Variants in LIN52 observed in about 807,000 individuals in gnomAD.
LIN52 encodes protein lin-52 homolog.
Under a neutral mutation model 18.5 loss-of-function variants are expected in LIN52, and 4 were observed. The ratio of observed to expected loss-of-function variants is 0.22; its 90% CI spans 0.11 to 0.49. The LOEUF (loss-of-function observed/expected upper bound fraction) is 0.49, where lower values mean the gene tolerates loss of function less well. Ranked by LOEUF, LIN52 falls within the 20% of genes least tolerant of loss-of-function variation. LIN52 has a pLI of 0.97. For synonymous variants in LIN52, 34 were observed against 45.5 expected, an observed-to-expected ratio of 0.75 and a Z score of 1.02; for missense variants, 102 against 139.5, an observed-to-expected ratio of 0.73 and a Z score of 1.35.
chr14:74,102,917 C>T (rs2060868314), intron 5 of LIN52, among the ~76,000 whole-genome samples: 1 of 151,824 alleles, frequency 6.6e-6, no homozygotes, highest in South Asian at 2.1e-4. Context: ...GGAATAATGA[C>T]CCATGGCCCA....
intron 5 of LIN52, among the ~76,000 whole-genome samples, chr14:74,131,264 G>A (rs4903190): frequency 0.22 from 34,061 of 151,494 alleles, 4,159 homozygotes; most frequent in South Asian, 0.46. Flanking sequence ...AAGTGCTATG[G>A]TGTTTCTAAG....
chr14:74,187,422 G>A lies in LIN52; in HGVS notation c.284-11500G>A, dbSNP rs901870100. On this transcript the variant is annotated intron_variant, in intron 5 of 5. Transcript: ENST00000555028. ...TTTTTTCTTTTAAAGTACTGCTCTT[G>A]TTTATCACTGGATTATTACACATTC... 8.6e-5 allele frequency among the ~76,000 whole-genome samples: 13 copies of A among 152,004 alleles called. No homozygotes were observed. In the East Asian group the frequency reaches 2.5e-3, roughly 29 times the overall value.
chr14:74,098,569 C>T (rs1168308172), intron 4 of LIN52, among the ~76,000 whole-genome samples: 3 of 136,806 alleles, frequency 2.2e-5, no homozygotes, highest in East Asian at 2.2e-4. Flanking sequence ...TTTTTTCAGA[C>T]GGAGTCTCGC....
intron 5 of LIN52, among the ~76,000 whole-genome samples, chr14:74,180,432 AT>A (rs371093005): frequency 0.018 from 2,578 of 146,744 alleles, 63 homozygotes; most frequent in East Asian, 0.055. Flanking sequence ...TGCCCAGCTA[AT>A]TTTTTTTTTT....
At chr14:74,169,431 C>A (rs191482710) in intron 5 of LIN52, among the ~76,000 whole-genome samples, 2 of 152,232 alleles carry the variant, frequency 1.3e-5, no homozygotes, top group African/African-American at 4.8e-5. Flanking sequence ...GAACCTTCAG[C>A]CTTATTTCCA....
intron 5 of LIN52, among the ~76,000 whole-genome samples, chr14:74,101,822 TAGAC>T (rs1418391616): frequency 4.6e-5 from 7 of 152,278 alleles, no homozygotes; most frequent in South Asian, 2.1e-4. Flanking sequence ...CATTTTTAAA[TAGAC>T]AGAGTCTTAC....
chr14:74,101,527 C>G (rs2060855828), intron 5 of LIN52, among the ~76,000 whole-genome samples: 1 of 149,150 alleles, frequency 6.7e-6, no homozygotes, highest in Admixed American at 6.7e-5. Context: ...GGCGGGATCT[C>G]GGCTCACTGC....
At chr14:74,166,981 C>T (rs1273985505) in intron 5 of LIN52, among the ~76,000 whole-genome samples, 1 of 151,994 alleles carries the variant, frequency 6.6e-6, no homozygotes, top group Non-Finnish European at 1.5e-5. Context: ...GGTGGCCTGT[C>T]AGGAGAGCAG....
At chr14:74,127,292 G>C (rs2061034591) in intron 5 of LIN52, among the ~76,000 whole-genome samples, 1 of 152,200 alleles carries the variant, frequency 6.6e-6, no homozygotes, top group Admixed American at 6.6e-5. Context: ...GCAGGGATGG[G>C]TCTCCTGAGA....
rs369694210 is a variant in LIN52 at position 74,101,197 on chromosome 14, G to A, written c.242G>A (p.Arg81Gln). ...LTTANLMEKV[R>Q]GLQNLAYQLG... ...ACGGCTAATTTGATGGAGAAGGTTC[G>A]AGGCCTACAGAACCTAGCCTATCAG... is the stretch of plus-strand genomic sequence containing the variant. Residue 81 changes from arginine (R) to glutamine (Q), a missense_variant, in exon 5 of 6, where the codon CGA (arginine) becomes CAA (glutamine). Transcript: ENST00000555028. The A allele has an allele frequency of 5.0e-6, 8 of 1,611,154 alleles. No homozygotes were observed. Among genetic ancestry groups the A allele is most frequent in the Non-Finnish European group, 5.9e-6 (7 of 1,179,108 alleles).
chr14:74,191,081 T>C (rs556065852), intron 5 of LIN52, among the ~76,000 whole-genome samples: 2 of 152,268 alleles, frequency 1.3e-5, no homozygotes, highest in African/African-American at 4.8e-5. Context: ...TGGTGAAGAG[T>C]CAGTCTGGCA....
intron 2 of LIN52, among the ~76,000 whole-genome samples, chr14:74,093,054 C>T (rs954841522): frequency 4.6e-5 from 7 of 151,918 alleles, no homozygotes; most frequent in Admixed American, 2.0e-4. Flanking sequence ...CTGGTTCAAG[C>T]GATGCTCCTG....
chr14:74,142,465 A>T (rs910615775), intron 5 of LIN52, among the ~76,000 whole-genome samples: 2 of 152,180 alleles, frequency 1.3e-5, no homozygotes, highest in Admixed American at 1.3e-4. Context: ...GTAGGTATAC[A>T]GAGATTTCTG....
chr14:74,150,533 A>G (rs753040335), intron 5 of LIN52, among the ~76,000 whole-genome samples: 5 of 152,162 alleles, frequency 3.3e-5, no homozygotes, highest in African/African-American at 1.2e-4. Context: ...GGCTATGATG[A>G]TGGCTGGGAG....
At chr14:74,114,227 G>A in intron 5 of LIN52, 1 of 941,812 alleles carries the variant, frequency 1.1e-6, no homozygotes, top group Non-Finnish European at 1.3e-6. Flanking sequence ...TTTAACTTGT[G>A]CTTTAAAAAA....
intron 4 of LIN52, 143 bp from the exon 5 acceptor site, chr14:74,101,012 G>A: frequency 1.5e-6 from 1 of 680,112 alleles, no homozygotes; most frequent in Non-Finnish European, 2.5e-6. Flanking sequence ...TTTAAGATTG[G>A]GGGAGGAGTT....
intron 5 of LIN52, among the ~76,000 whole-genome samples, chr14:74,194,238 A>G (rs551323169): frequency 2.3e-4 from 35 of 152,304 alleles, no homozygotes; most frequent in Admixed American, 1.7e-3. Flanking sequence ...TGAGAAATCA[A>G]TCTGTACCAC....
At chr14:74,152,285 G>C (rs916675919) in intron 5 of LIN52, among the ~76,000 whole-genome samples, 9 of 150,722 alleles carry the variant, frequency 6.0e-5, no homozygotes, top group African/African-American at 1.7e-4. Context: ...AAAGAATGCT[G>C]TGTTAATGGT....
chr14:74,092,639 G>T (rs2060780346), intron 2 of LIN52, among the ~76,000 whole-genome samples: 1 of 151,566 alleles, frequency 6.6e-6, no homozygotes, highest in Admixed American at 6.6e-5. Context: ...TTTATAGGCT[G>T]GGCATGGTGG....
Sources: gnomAD v4.1 joint callset for allele counts (sites outside exome capture counted in the v4.1 genomes callset) on GRCh38, gnomAD v4.1.1 for gene constraint, MANE v1.5 for transcripts, NCBI Gene and HGNC (gene_info 2026-07-23, HGNC 2026-07-21) for gene names.